DYNC1I2: variants seen among roughly 807,000 people sequenced by gnomAD.
The protein encoded by DYNC1I2 is dynein cytoplasmic 1 intermediate chain 2.
DYNC1I2 carries 53 observed loss-of-function variants against 88.6 expected under a neutral mutation model. The ratio of observed to expected loss-of-function variants is 0.60; its 90% confidence interval spans 0.48 to 0.75. The LOEUF is 0.75. Among genes scored for constraint, DYNC1I2 ranks in the 30% least tolerant of loss-of-function variants. The probability of loss-of-function intolerance (pLI) is 0.00; values close to 1 mark genes in which losing one functional copy is unlikely to be tolerated. For missense variants in DYNC1I2, 458 were observed against 766.6 expected (o/e 0.60, Z 4.75); for synonymous variants, 198 against 254.6 (o/e 0.78, Z 2.12).
At chr2:171,703,757 T>C (rs1182443631) in intron 3 of DYNC1I2, among the ~76,000 whole-genome samples, 1 of 151,968 alleles carries the variant, frequency 6.6e-6, no homozygotes, top group Non-Finnish European at 1.5e-5. Flanking sequence ...GAAAAATAGG[T>C]AGTTATTTAA....
In DYNC1I2 at chr2:171,728,378, A is replaced by G. The variant is rs1486410983; in HGVS notation, c.1217A>G (p.Lys406Arg). The change falls in exon 13 of 18, where the codon AAA (lysine) becomes AGA (arginine). Residue 406 changes from lysine to arginine, a missense_variant. Transcript: ENST00000397119. ...HNLISISTDG[K>R]ICSWSLDMLS... ...CTGATTAGCATCTCTACTGATGGAA[A>G]AATTTGTTCATGGAGTCTGGACATG... The G allele has an allele frequency of 1.2e-6, 2 of 1,605,644 alleles. No individual in the cohort carries two copies. Among genetic ancestry groups the G allele is most frequent in the Non-Finnish European group, 1.7e-6 (2 of 1,176,974 alleles).
At chr2:171,741,420 T>C (rs1024018651) in intron 15 of DYNC1I2, among the ~76,000 whole-genome samples, 1 of 152,234 alleles carries the variant, frequency 6.6e-6, no homozygotes, top group African/African-American at 2.4e-5. Context: ...TGATTTCCTG[T>C]ATCTTCACCA....
intron 8 of DYNC1I2, 58 bp downstream of exon 8, chr2:171,725,771 A>ATTAC (rs111251725): frequency 1 from 1,274,280 of 1,275,130 alleles, 636,732 homozygotes; most frequent in South Asian, 1. Flanking sequence ...GATTCCTTTT[A>ATTAC]TTATGTATTA....
intron 15 of DYNC1I2, among the ~76,000 whole-genome samples, chr2:171,730,990 G>C (rs141818170): frequency 0.018 from 2,739 of 152,200 alleles, 51 homozygotes; most frequent in Admixed American, 0.067. Context: ...TTAAAATTGA[G>C]CATTTTCAGG....
Position 171,726,928 on chromosome 2 carries a change from T to A in DYNC1I2, c.996+12T>A, listed in dbSNP as rs376481234. The A allele has an allele frequency of 1.8e-5, 28 of 1,590,712 alleles. No homozygotes were observed. The African/African-American group carries it at 2.4e-4, about 14-fold the overall frequency. The stretch of plus-strand genomic sequence containing the variant: ...TGTTTCACTGCCAGGTATGGTGGTC[T>A]TTTAACAGTCTTCGCCTCAAGTTTA... On this transcript the variant is annotated intron_variant, in intron 11 of 17. Transcript: ENST00000397119.
At chr2:171,696,868 G>A (rs1685806569) in intron 3 of DYNC1I2, among the ~76,000 whole-genome samples, 2 of 151,910 alleles carry the variant, frequency 1.3e-5, no homozygotes, top group African/African-American at 4.8e-5. Flanking sequence ...CACCCCCTTT[G>A]TTCCTTTTAC....
intron 2 of DYNC1I2, among the ~76,000 whole-genome samples, chr2:171,691,213 C>G (rs1685382268): frequency 1.3e-5 from 2 of 152,126 alleles, no homozygotes; most frequent in South Asian, 4.1e-4. Flanking sequence ...CCAGGTACTT[C>G]TTTTGATTTT....
chr2:171,706,290 G>A (rs1287660790), intron 3 of DYNC1I2, among the ~76,000 whole-genome samples: 1 of 152,060 alleles, frequency 6.6e-6, no homozygotes, highest in Non-Finnish European at 1.5e-5. Flanking sequence ...ACTTGGGATT[G>A]GGGACATTTA....
At chr2:171,747,644 G>A (rs1019394376) in intron 17 of DYNC1I2, 132 bp from the exon 18 acceptor site, 12 of 592,866 alleles carry the variant, frequency 2.0e-5, no homozygotes, top group South Asian at 5.1e-5. Context: ...TATAGTCCCC[G>A]TAATTATGGA....
intron 15 of DYNC1I2, among the ~76,000 whole-genome samples, chr2:171,741,924 AT>A (rs1689456548): frequency 6.6e-6 from 1 of 152,108 alleles, no homozygotes; most frequent in South Asian, 2.1e-4. Context: ...TCTACTAAAA[AT>A]ACAAAAATTA....
At chr2:171,738,107 A>C (rs1038161257) in intron 15 of DYNC1I2, among the ~76,000 whole-genome samples, 7 of 152,074 alleles carry the variant, frequency 4.6e-5, no homozygotes, top group African/African-American at 1.7e-4. Flanking sequence ...CGAGGCAGGC[A>C]GATCATCTGA....
chr2:171,709,616 AT>A (rs1165976611), intron 5 of DYNC1I2, among the ~76,000 whole-genome samples: 4 of 152,198 alleles, frequency 2.6e-5, no homozygotes, highest in African/African-American at 9.7e-5. Context: ...AATAGTTAAT[AT>A]TTTTTAAAGT....
At chr2:171,724,844 A>G (rs183550991) in intron 7 of DYNC1I2, among the ~76,000 whole-genome samples, 1 of 152,346 alleles carries the variant, frequency 6.6e-6, no homozygotes, top group Non-Finnish European at 1.5e-5. Flanking sequence ...ACATTTTAAA[A>G]TAAATGATTT....
chr2:171,698,196 T>G (rs1685930974), intron 3 of DYNC1I2, among the ~76,000 whole-genome samples: 1 of 152,178 alleles, frequency 6.6e-6, no homozygotes, highest in Admixed American at 6.5e-5. Context: ...TGCAGCATTG[T>G]TTTTGTAATT....
At chr2:171,711,591 C>T (rs908952073) in intron 5 of DYNC1I2, among the ~76,000 whole-genome samples, 2 of 152,182 alleles carry the variant, frequency 1.3e-5, no homozygotes, top group East Asian at 3.8e-4. Flanking sequence ...AAGCTTGTTG[C>T]TATTCATTGC....
At chr2:171,715,204 A>C in intron 6 of DYNC1I2, 124 bp from the exon 7 acceptor site, 1 of 563,088 alleles carries the variant, frequency 1.8e-6, no homozygotes, top group Non-Finnish European at 3.1e-6. Flanking sequence ...TTAATCTAAA[A>C]TTTCTTGAAT....
At chr2:171,732,456 A>T (rs538308673) in intron 15 of DYNC1I2, among the ~76,000 whole-genome samples, 1 of 152,298 alleles carries the variant, frequency 6.6e-6, no homozygotes, top group South Asian at 2.1e-4. Flanking sequence ...TAGAAATTTG[A>T]TGATGTTTTT....
rs115396959 is a variant in DYNC1I2, at chr2:171,719,068, T to G, written c.511+3625T>G. Among the ~76,000 whole-genome samples the G allele has an allele frequency of 3.2e-3, 489 of 152,282 alleles. 3 individuals are homozygous for G. The highest frequency in any genetic ancestry group is 0.011 in the African/African-American group (465 of 41,566). ...TTAGTTAATATTGTCTAGCACTGAT[T>G]CTACAAGCTTATTGAGTATTTGCTC... On this transcript the variant is annotated intron_variant, in intron 7 of 17. Transcript: ENST00000397119.
In DYNC1I2 at chr2:171,728,286, C is replaced by CT. The variant is rs775844605; in HGVS notation, c.1144-12dup. 6 of 1,464,708 alleles carry CT rather than the reference C, an allele frequency of 4.1e-6. No individual in the cohort carries two copies. The highest frequency in any genetic ancestry group is 2.6e-5 in the Admixed American group (1 of 38,946). 90.7% of individuals were successfully genotyped at this position (1,464,708 alleles called of 1,614,324 possible). A position where few individuals can be genotyped will look rare whatever the true frequency, so the allele number is the denominator to read the frequency against. ...TTTTTGGTACAATAATCCCTGAAAACTTTTTTTAATATCTCTAGCACCCTG... is the reference window on the plus strand; with the variant it reads ...TTTTTGGTACAATAATCCCTGAAAACTTTTTTTTAATATCTCTAGCACCCTG... On this transcript the variant is annotated intron_variant, in intron 12 of 17. Coordinates refer to ENST00000397119, the MANE Select transcript of DYNC1I2 (RefSeq NM_001378.3).
Sources: allele counts gnomAD v4.1 joint callset (sites outside exome capture counted in the v4.1 genomes callset), GRCh38; gene constraint gnomAD v4.1.1; transcripts MANE v1.5; gene names NCBI Gene and HGNC (gene_info 2026-07-23, HGNC 2026-07-21).